CSNK1G3: variants seen among roughly 807,000 people sequenced by gnomAD.
The protein encoded by CSNK1G3 is casein kinase 1 gamma 3, also known as casein kinase I isoform gamma-3.
A neutral mutation model predicts 64.3 loss-of-function variants in CSNK1G3; 23 were observed. The ratio of observed to expected loss-of-function variants is 0.36; its 90% CI spans 0.26 to 0.51. CSNK1G3 has a LOEUF of 0.51. CSNK1G3 is among the 20% of genes least tolerant of loss of function. The pLI, the probability that CSNK1G3 is intolerant of heterozygous loss-of-function variation, is 0.96. For missense variants in CSNK1G3, 357 were observed against 510.5 expected (o/e 0.70, Z 2.90); for synonymous variants, 158 against 162.2 (o/e 0.97, Z 0.20).
intron 2 of CSNK1G3, among the ~76,000 whole-genome samples, chr5:123,549,764 G>C (rs1783290329): frequency 6.6e-6 from 1 of 152,116 alleles, no homozygotes; most frequent in Non-Finnish European, 1.5e-5. Flanking sequence ...AGTAACCTTT[G>C]TTTTCATGAG....
intron 4 of CSNK1G3, among the ~76,000 whole-genome samples, chr5:123,561,136 T>G (rs1217025691): frequency 6.6e-6 from 1 of 152,212 alleles, no homozygotes; most frequent in African/African-American, 2.4e-5. Flanking sequence ...ACAATATCCC[T>G]CTTTACATTA....
Position 123,599,981 on chromosome 5 carries a change from G to A in CSNK1G3, c.1087-4743G>A, listed in dbSNP as rs546251097. ...TGGCTTATCTTTGTTGAAAGTTGGT[G>A]AGCATGTCACTATCTGTGCTTTAGG... On this transcript the variant is annotated intron_variant, in intron 10 of 12. Transcript: ENST00000345990. 4.6e-5 allele frequency among the ~76,000 whole-genome samples: 7 copies of A among 152,128 alleles called. No homozygotes were observed. The South Asian group carries it at 1.0e-3, about 23-fold the overall frequency.
chr5:123,547,192 AG>A, intron 2 of CSNK1G3, among the ~76,000 whole-genome samples: 1 of 152,288 alleles, frequency 6.6e-6, no homozygotes, highest in East Asian at 1.9e-4. Flanking sequence ...GGAACAGATA[AG>A]TCATTTAACC....
At chr5:123,574,038 A>G (rs2150707563) in intron 5 of CSNK1G3, among the ~76,000 whole-genome samples, 1 of 152,160 alleles carries the variant, frequency 6.6e-6, no homozygotes, top group East Asian at 1.9e-4. Context: ...TTTTGTAGAG[A>G]CAGGGTTTCA....
intron 1 of CSNK1G3, among the ~76,000 whole-genome samples, chr5:123,534,918 C>T (rs1780546815): frequency 6.6e-6 from 1 of 152,130 alleles, no homozygotes; most frequent in Non-Finnish European, 1.5e-5. Flanking sequence ...TGTTGTTCAG[C>T]ATAGTGCCAT....
At chr5:123,540,320 TG>T (rs1781483923) in intron 1 of CSNK1G3, among the ~76,000 whole-genome samples, 1 of 152,108 alleles carries the variant, frequency 6.6e-6, no homozygotes, top group African/African-American at 2.4e-5. Context: ...CTACATTTTT[TG>T]CTCATTAAGA....
chr5:123,557,045 GA>G lies in CSNK1G3; in HGVS notation c.220-442del, dbSNP rs531955912. Among the ~76,000 whole-genome samples, 415 of 151,716 alleles carry G rather than the reference GA, an allele frequency of 2.7e-3. 3 individuals are homozygous for G. Among genetic ancestry groups the G allele is most frequent in the Non-Finnish European group, 2.1e-3 (143 of 67,818 alleles). On this transcript the variant is annotated intron_variant, in intron 3 of 12. Transcript: ENST00000345990. ...TATTGCATATAAGTTATACTTTAGT[GA>G]AAAAAAATTAAGACATTGTTGCTAC...
Position 123,577,921 on chromosome 5 carries a change from A to G in CSNK1G3, c.673+1958A>G, listed in dbSNP as rs77497630. Among the ~76,000 whole-genome samples, 889 of 152,116 alleles carry G rather than the reference A, an allele frequency of 5.8e-3. 10 individuals carry two copies. The highest frequency in any genetic ancestry group is 0.02 in the African/African-American group (833 of 41,562). On this transcript the variant is annotated intron_variant, in intron 6 of 12. Coordinates refer to ENST00000345990, the Ensembl canonical transcript of CSNK1G3. ...AGAAGCAATCACTGATCTGATTTCT[A>G]TCACAACAGATGAGTTTTGCTGATT... is the stretch of plus-strand genomic sequence containing the variant.
At chr5:123,614,401 G>A (rs1342560688) in exon 13 of CSNK1G3, 1 of 1,611,360 alleles carries the variant, frequency 6.2e-7, no homozygotes, top group African/African-American at 1.3e-5. Context: ...AAATGACTCT[G>A]GACACAGACA....
intron 4 of CSNK1G3, 108 bp from the exon 5 acceptor site, chr5:123,573,285 T>G (rs1488078002): frequency 1.7e-6 from 2 of 1,147,490 alleles, no homozygotes; most frequent in Non-Finnish European, 2.6e-6. Flanking sequence ...AAAGTGATAG[T>G]ACTGCTTTAG....
At chr5:123,557,530 G>A in exon 4 of CSNK1G3, 7 of 1,607,030 alleles carry the variant, frequency 4.4e-6, no homozygotes, top group Non-Finnish European at 5.9e-6. Context: ...AGCTACATTT[G>A]GAATACAGAT....
At chr5:123,546,199 A>G (rs185652719) in intron 2 of CSNK1G3, among the ~76,000 whole-genome samples, 3 of 152,270 alleles carry the variant, frequency 2.0e-5, no homozygotes, top group African/African-American at 7.2e-5. Context: ...GTAATTGATA[A>G]CTTTTGGGGC....
At chr5:123,613,922 A>G (rs1301257601) in intron 12 of CSNK1G3, among the ~76,000 whole-genome samples, 2 of 152,144 alleles carry the variant, frequency 1.3e-5, no homozygotes, top group Non-Finnish European at 2.9e-5. Flanking sequence ...TGACTAGTGT[A>G]TATTGGAGTG....
chr5:123,528,563 C>T (rs758524388), intron 1 of CSNK1G3, among the ~76,000 whole-genome samples: 2 of 152,104 alleles, frequency 1.3e-5, no homozygotes, highest in African/African-American at 4.8e-5. Flanking sequence ...TATCTTTCCT[C>T]TAAATCGGTA....
intron 9 of CSNK1G3, 79 bp downstream of exon 9, chr5:123,590,637 G>T: frequency 2.2e-6 from 2 of 891,774 alleles, no homozygotes; most frequent in Non-Finnish European, 3.2e-6. Context: ...ATTGAAAAGA[G>T]TTGAGAACAA....
intron 12 of CSNK1G3, among the ~76,000 whole-genome samples, chr5:123,610,556 G>A (rs1361111419): frequency 6.6e-6 from 1 of 152,156 alleles, no homozygotes; most frequent in Non-Finnish European, 1.5e-5. Context: ...AGGAGAAATG[G>A]TGGTGCGGTG....
rs374664045 is a variant in CSNK1G3, at chr5:123,590,027, T to C, written c.845-386T>C. ...TTTCATATAAATCAGTTCTCACCGG[T>C]ATTTTAAATAAAATTTTAAATTTAT... On this transcript the variant is annotated intron_variant, in intron 8 of 12. Coordinates refer to ENST00000345990, the Ensembl canonical transcript of CSNK1G3. 1.5e-4 allele frequency among the ~76,000 whole-genome samples: 23 copies of C among 152,242 alleles called. No individual in the cohort carries two copies. In the East Asian group the frequency reaches 4.4e-3, roughly 29 times the overall value.
chr5:123,531,613 CAA>C (rs539154924), intron 1 of CSNK1G3, among the ~76,000 whole-genome samples: 1 of 152,020 alleles, frequency 6.6e-6, no homozygotes, highest in South Asian at 2.1e-4. Flanking sequence ...TATTCATTCT[CAA>C]AGATAATTTT....
At chr5:123,578,355 T>C (rs1789574846) in intron 6 of CSNK1G3, among the ~76,000 whole-genome samples, 1 of 151,924 alleles carries the variant, frequency 6.6e-6, no homozygotes, top group African/African-American at 2.4e-5. Flanking sequence ...TTGTAGCTAT[T>C]CTAGTGGCCA....
Sources: gnomAD v4.1 joint callset for allele counts (sites outside exome capture counted in the v4.1 genomes callset) on GRCh38, gnomAD v4.1.1 for gene constraint, MANE v1.5 for transcripts, NCBI Gene and HGNC (gene_info 2026-07-23, HGNC 2026-07-21) for gene names.